The following ARHGEF3 variants were observed in gnomAD, a reference collection of about 807,000 sequenced individuals.
ARHGEF3 encodes the protein Rho guanine nucleotide exchange factor 3, also known as 59.8 kDA protein.
A neutral mutation model predicts 63.2 loss-of-function variants in ARHGEF3; 28 were observed. The observed-to-expected ratio is 0.44, with a 90% CI of 0.33 to 0.61. The LOEUF is 0.61. ARHGEF3 is among the 20% of genes least tolerant of loss of function. The probability of loss-of-function intolerance (pLI) is 0.03; values close to 1 mark genes in which losing one functional copy is unlikely to be tolerated. For missense variants in ARHGEF3, 533 were observed against 659.3 expected, an observed-to-expected ratio of 0.81 and a Z score of 2.10; for synonymous variants, 266 against 254.2, an observed-to-expected ratio of 1.05 and a Z score of -0.44.
At chr3:56,990,059 G>A (rs114348827) in intron 2 of ARHGEF3, among the ~76,000 whole-genome samples, 1,691 of 152,244 alleles carry the variant, frequency 0.011, 12 homozygotes, top group Middle Eastern at 0.044. Context: ...TCCCAGCTTC[G>A]CTACCCAGAT....
intron 4 of ARHGEF3, among the ~76,000 whole-genome samples, chr3:56,852,158 G>A (rs1345071018): frequency 6.6e-6 from 1 of 152,066 alleles, no homozygotes; most frequent in African/African-American, 2.4e-5. Flanking sequence ...CCTTGGGCAG[G>A]GAAAGCCTAC....
At chr3:56,777,188 A>C (rs540529330) in intron 1 of ARHGEF3, among the ~76,000 whole-genome samples, 1 of 152,352 alleles carries the variant, frequency 6.6e-6, no homozygotes, top group South Asian at 2.1e-4. Flanking sequence ...CACGCAGAGA[A>C]AGTTCTTTTC....
At chr3:56,816,596 A>T (rs1210404645) in intron 4 of ARHGEF3, among the ~76,000 whole-genome samples, 1 of 152,206 alleles carries the variant, frequency 6.6e-6, no homozygotes, top group Non-Finnish European at 1.5e-5. Flanking sequence ...TGAGAGCCGA[A>T]GAGGTGTTTG....
intron 3 of ARHGEF3, among the ~76,000 whole-genome samples, chr3:56,957,350 C>T (rs1393636743): frequency 1.3e-5 from 2 of 152,146 alleles, no homozygotes; most frequent in African/African-American, 2.4e-5. Flanking sequence ...CCAGTCAGAA[C>T]AGTATTAAAA....
At chr3:57,014,362 C>T (rs928290589) in intron 2 of ARHGEF3, among the ~76,000 whole-genome samples, 3 of 152,174 alleles carry the variant, frequency 2.0e-5, no homozygotes, top group African/African-American at 7.2e-5. Flanking sequence ...TTAACCACTA[C>T]AGCACCTTCC....
intron 2 of ARHGEF3, chr3:57,007,445 T>C: frequency 8.7e-7 from 1 of 1,143,810 alleles, no homozygotes; most frequent in African/African-American, 1.6e-5. Context: ...AGTGAGAATT[T>C]GGTCTTCCAG....
chr3:56,925,031 A>G (rs553427367), intron 3 of ARHGEF3, among the ~76,000 whole-genome samples: 2 of 152,344 alleles, frequency 1.3e-5, no homozygotes, highest in East Asian at 3.9e-4. Context: ...AGAGGAGATG[A>G]GAGTGCCATA....
intron 2 of ARHGEF3, among the ~76,000 whole-genome samples, chr3:56,981,665 C>G (rs566221938): frequency 1.3e-5 from 2 of 152,336 alleles, no homozygotes; most frequent in South Asian, 2.1e-4. Flanking sequence ...GAAGGATCCT[C>G]AGAGAACCAG....
Position 56,737,281 on chromosome 3 carries a change from C to G in ARHGEF3, c.945G>C (p.Glu315Asp). 2 of 1,613,610 alleles carry G rather than the reference C, an allele frequency of 1.2e-6. No homozygotes were observed. The highest frequency in any genetic ancestry group is 1.7e-5 in the Admixed American group (1 of 60,020). The part of the protein sequence containing the change: ...TGESECRYYK[E>D]RLLYLEEGQK... ...GGCCTTCTTCCAAGTAAAGAAGCCG[C>G]TCTTTATAATAGCGGCATTCAGATT... The change falls in exon 8 of 10, where the codon GAG (glutamate) becomes GAC (aspartate). Residue 315 changes from glutamate to aspartate, a missense_variant. By Grantham distance (45) the Glu-to-Asp change is conservative. Transcript: ENST00000296315.
chr3:56,894,643 T>TA (rs2041240740), intron 3 of ARHGEF3, among the ~76,000 whole-genome samples: 2 of 152,054 alleles, frequency 1.3e-5, no homozygotes, highest in African/African-American at 4.8e-5. Flanking sequence ...TTTTTAATTA[T>TA]AAAAAATTTT....
chr3:56,898,037 G>A lies in ARHGEF3; in HGVS notation c.130-15683C>T, dbSNP rs184164544. On this transcript the variant is annotated intron_variant, in intron 3 of 12. Transcript: ENST00000338458. ...TGGGACTACAGGTGCACACCACCAC[G>A]CCCTGCTAATTTTTGTATTTTTTGT... is the stretch of plus-strand genomic sequence containing the variant. 2.0e-4 allele frequency among the ~76,000 whole-genome samples: 31 copies of A among 151,842 alleles called. No individual in the cohort carries two copies. The East Asian group carries it at 5.1e-3, about 25-fold the overall frequency.
intron 2 of ARHGEF3, among the ~76,000 whole-genome samples, chr3:57,008,997 T>C (rs1319454451): frequency 3.9e-5 from 6 of 152,208 alleles, no homozygotes; most frequent in East Asian, 1.9e-4. Context: ...TCTTGGGAAA[T>C]TGGCAGATCT....
chr3:57,020,729 G>A (rs1322643446), intron 2 of ARHGEF3, among the ~76,000 whole-genome samples: 2 of 152,184 alleles, frequency 1.3e-5, no homozygotes, highest in Non-Finnish European at 2.9e-5. Flanking sequence ...AGGCCTAATC[G>A]ACACTGAGCC....
Position 56,737,214 on chromosome 3 carries a change from G to A in ARHGEF3, c.1012C>T (p.His338Tyr), listed in dbSNP as rs762995356. Residue 338 changes from histidine (H) to tyrosine (Y), a missense_variant, in exon 8 of 10, where the codon CAT (histidine) becomes TAT (tyrosine). By Grantham distance (83) the His-to-Tyr change is moderately conservative. Transcript: ENST00000296315. ...CCCCGATTGTTCTTCAGTTCACCAT[G>A]ACAACACAAGACTCGAGAGCTGTCG... ...LIDSSRVLCC[H>Y]GELKNNRGVK... 1 of 1,614,020 alleles carries A rather than the reference G, an allele frequency of 6.2e-7. No individual in the cohort carries two copies. The highest frequency in any genetic ancestry group is 1.1e-5 in the South Asian group (1 of 91,058).
chr3:56,773,613 C>T, intron 2 of ARHGEF3, 96 bp downstream of exon 2: 2 of 1,053,698 alleles, frequency 1.9e-6, no homozygotes, highest in Non-Finnish European at 2.7e-6. Flanking sequence ...TGATTCAGGT[C>T]ACTTTGAAAC....
At chr3:57,047,345 C>A (rs767761399) in intron 1 of ARHGEF3, among the ~76,000 whole-genome samples, 1 of 151,822 alleles carries the variant, frequency 6.6e-6, no homozygotes, top group Non-Finnish European at 1.5e-5. Context: ...AGTAAGACTC[C>A]GTCTCAAACA....
chr3:56,934,551 G>A (rs887956693), intron 3 of ARHGEF3, among the ~76,000 whole-genome samples: 17 of 152,208 alleles, frequency 1.1e-4, no homozygotes, highest in Non-Finnish European at 2.2e-4. Context: ...GGCGGCCCCC[G>A]CACTCGGAGC....
At chr3:57,004,454 G>A (rs1376989549) in intron 2 of ARHGEF3, among the ~76,000 whole-genome samples, 2 of 152,144 alleles carry the variant, frequency 1.3e-5, no homozygotes, top group South Asian at 4.1e-4. Context: ...GTTCCTCACC[G>A]CACCTTCAGA....
chr3:56,746,737 A>T (rs539929756), intron 6 of ARHGEF3, among the ~76,000 whole-genome samples: 24 of 152,270 alleles, frequency 1.6e-4, no homozygotes, highest in South Asian at 4.1e-4. Context: ...CTCAAAAAAA[A>T]AAATAAATAA....
Sources: allele counts gnomAD v4.1 joint callset (sites outside exome capture counted in the v4.1 genomes callset), GRCh38; gene constraint gnomAD v4.1.1; transcripts MANE v1.5; gene names NCBI Gene and HGNC (gene_info 2026-07-23, HGNC 2026-07-21).